Variants in MSN observed in about 807,000 individuals in gnomAD.
The protein encoded by MSN is epididymis luminal protein 70.
MSN carries 2 observed loss-of-function variants against 48.0 expected under a neutral mutation model. That is an observed-to-expected ratio of 0.04 (90% CI 0.02 to 0.13). MSN has a LOEUF of 0.13. Ranked by LOEUF, MSN falls within the 10% of genes least tolerant of loss-of-function variation. MSN has a pLI of 1.00. For synonymous variants in MSN, 146 were observed against 166.9 expected (o/e 0.87, Z 0.97); for missense variants, 267 against 470.1 (o/e 0.57, Z 3.99).
At chrX:65,728,662 T>TA (rs1005817521) in intron 3 of MSN, among the ~76,000 whole-genome samples, 1 of 111,537 alleles carries the variant, frequency 9.0e-6, no homozygotes, top group Non-Finnish European at 1.9e-5. Flanking sequence ...CTTACAGTCT[T>TA]ATGCTGCACC....
chrX:65,643,671 C>G (rs1376857583), intron 1 of MSN, among the ~76,000 whole-genome samples: 1 of 111,611 alleles, frequency 9.0e-6, no homozygotes, highest in African/African-American at 3.3e-5. Context: ...CTATGAATCA[C>G]TAAACCAAGA....
At chrX:65,637,224 G>A (rs1361799466) in intron 1 of MSN, among the ~76,000 whole-genome samples, 8 of 109,089 alleles carry the variant, frequency 7.3e-5, no homozygotes, top group Admixed American at 6.8e-4. Context: ...CCAACATAGA[G>A]AAACCCCGTC....
chrX:65,731,721 C>G (rs776747350), intron 5 of MSN, 117 bp from the exon 6 acceptor site: 11 of 876,672 alleles, frequency 1.3e-5, no homozygotes, highest in Non-Finnish European at 1.7e-5. Flanking sequence ...CCTTTTGTCC[C>G]CTTTCCCACT....
intron 1 of MSN, among the ~76,000 whole-genome samples, chrX:65,669,528 C>G (rs1247405595): frequency 9.0e-6 from 1 of 111,706 alleles, no homozygotes; most frequent in African/African-American, 3.3e-5. Flanking sequence ...GAAGACAAGA[C>G]AGCGTGTTTA....
chrX:65,711,489 C>A (rs1211313203), intron 1 of MSN, among the ~76,000 whole-genome samples: 1 of 112,649 alleles, frequency 8.9e-6, no homozygotes, highest in East Asian at 2.8e-4. Flanking sequence ...AGACACCATA[C>A]CCGGCCCCTA....
chrX:65,630,032 C>T (rs899519238), intron 1 of MSN, among the ~76,000 whole-genome samples: 3 of 110,579 alleles, frequency 2.7e-5, no homozygotes, highest in South Asian at 3.9e-4. Flanking sequence ...TACAAAAATT[C>T]GCTGGGTGTG....
intron 1 of MSN, among the ~76,000 whole-genome samples, chrX:65,654,471 T>C (rs992419131): frequency 9.1e-6 from 1 of 109,665 alleles, no homozygotes; most frequent in South Asian, 3.9e-4. Context: ...GCCAAAAATA[T>C]TGGGAGGTAG....
At position 65,691,994 on chromosome X, in the gene MSN, C is replaced by T. The variant is rs370534109; in HGVS notation, c.12+24141C>T. ...TTGGCCACTAATGGAGGTCATTAGC[C>T]GTGGAGCTCTGTGGTGGCCTTCTTT... is the stretch of plus-strand genomic sequence containing the variant. On this transcript the variant is annotated intron_variant, in intron 1 of 12. Transcript: ENST00000360270. Among the ~76,000 whole-genome samples, 50 of 112,055 alleles carry T rather than the reference C, an allele frequency of 4.5e-4. 1 individual carries two copies. The South Asian group carries it at 0.016, about 35-fold the overall frequency.
chrX:65,715,753 G>A (rs1215662145), intron 1 of MSN, among the ~76,000 whole-genome samples: 1 of 111,622 alleles, frequency 9.0e-6, no homozygotes, highest in African/African-American at 3.3e-5. Flanking sequence ...TCTAGATATA[G>A]GATCATGTCA....
At chrX:65,731,431 C>T (rs2071621793) in intron 5 of MSN, among the ~76,000 whole-genome samples, 2 of 111,843 alleles carry the variant, frequency 1.8e-5, no homozygotes, top group African/African-American at 6.5e-5. Flanking sequence ...ATGGAGGGAG[C>T]TCTTACACAT....
At chrX:65,712,596 T>G (rs1373997204) in intron 1 of MSN, among the ~76,000 whole-genome samples, 1 of 107,616 alleles carries the variant, frequency 9.3e-6, no homozygotes, top group Non-Finnish European at 1.9e-5. Context: ...ACCCATAAGA[T>G]CACCACCCCA....
At chrX:65,617,897 G>T (rs1260916039) in intron 1 of MSN, among the ~76,000 whole-genome samples, 104 of 109,632 alleles carry the variant, frequency 9.5e-4, no homozygotes, top group Non-Finnish European at 1.7e-3. Flanking sequence ...AGAGATTCTG[G>T]TATGTTGTGT....
intron 1 of MSN, chrX:65,625,794 T>A (rs189656028): frequency 4.7e-5 from 5 of 107,505 alleles, no homozygotes; most frequent in African/African-American, 1.9e-4. Flanking sequence ...AGAACTTACT[T>A]CTACCTTTTT....
rs1201924958 is a variant in MSN, at chrX:65,614,585, C to T, written c.-22+25973C>T. 4.6e-5 allele frequency among the ~76,000 whole-genome samples: 5 copies of T among 108,411 alleles called. No individual in the cohort carries two copies. The Admixed American group carries it at 5.0e-4, about 11-fold the overall frequency. 94.1% of individuals were successfully genotyped at this position (108,411 alleles called of 115,157 possible). A position where few individuals can be genotyped will look rare whatever the true frequency, so the allele number is the denominator to read the frequency against. On this transcript the variant is annotated intron_variant, in intron 1 of 3. Transcript: ENST00000609672. ...TAATTCTCCTTGAAGAGGTCCTTCA[C>T]ATCCCTTGTAAGTTGTATTCCTAGG...
chrX:65,595,365 G>A (rs968053363), intron 1 of MSN, among the ~76,000 whole-genome samples: 1 of 111,722 alleles, frequency 9.0e-6, no homozygotes, highest in African/African-American at 3.3e-5. Context: ...AGACCGTACT[G>A]GCCATGCTCT....
At chrX:65,668,167 C>A (rs760066851) in intron 1 of MSN, among the ~76,000 whole-genome samples, 1 of 112,787 alleles carries the variant, frequency 8.9e-6, no homozygotes, top group South Asian at 3.6e-4. Context: ...CCTGATGGGC[C>A]ATGGGCACAG....
intron 2 of MSN, 70 bp from the exon 3 acceptor site, chrX:65,727,744 T>G: frequency 1.1e-6 from 1 of 904,729 alleles, no homozygotes; most frequent in Admixed American, 2.4e-5. Context: ...ACTTCAAACT[T>G]TGTGTCCTCT....
At chrX:65,645,942 C>T (rs1301556698) in intron 1 of MSN, among the ~76,000 whole-genome samples, 5 of 111,739 alleles carry the variant, frequency 4.5e-5, no homozygotes, top group African/African-American at 3.3e-5. Context: ...ATCCCTAATC[C>T]GAAAAGTTGG....
chrX:65,722,593 A>G (rs931973400), intron 2 of MSN, among the ~76,000 whole-genome samples: 1 of 109,708 alleles, frequency 9.1e-6, no homozygotes, highest in East Asian at 2.8e-4. Context: ...ATCTTTTTGT[A>G]TTTTTAGTAG....
Sources: allele counts gnomAD v4.1 joint callset (sites outside exome capture counted in the v4.1 genomes callset), GRCh38; gene constraint gnomAD v4.1.1; transcripts MANE v1.5; gene names NCBI Gene and HGNC (gene_info 2026-07-23, HGNC 2026-07-21).